PCYOX1: variants seen among roughly 807,000 people sequenced by gnomAD.
The protein encoded by PCYOX1 is prenylcysteine oxidase 1, also known as prenylcysteine lyase.
A neutral mutation model predicts 46.4 loss-of-function variants in PCYOX1; 46 were observed. The observed-to-expected ratio is 0.99, with a 90% confidence interval of 0.78 to 1.27. The LOEUF (loss-of-function observed/expected upper bound fraction) is 1.27, where lower values mean the gene tolerates loss of function less well. PCYOX1 is among the 50% of genes most tolerant of loss of function. The pLI, the probability that PCYOX1 is intolerant of heterozygous loss-of-function variation, is 0.00. For missense variants in PCYOX1, 658 were observed against 628.3 expected, an observed-to-expected ratio of 1.05 and a Z score of -0.51; for synonymous variants, 220 against 231.8, an observed-to-expected ratio of 0.95 and a Z score of 0.46.
At chr2:70,268,456 A>G (rs2104894812) in intron 3 of PCYOX1, among the ~76,000 whole-genome samples, 1 of 152,234 alleles carries the variant, frequency 6.6e-6, no homozygotes, top group Admixed American at 6.5e-5. Flanking sequence ...GTGACTGCAT[A>G]TGTATGTAGG....
upstream of PCYOX1, chr2:70,258,060 G>A: frequency 1.1e-6 from 1 of 886,992 alleles, no homozygotes; most frequent in Non-Finnish European, 1.6e-6. Context: ...GGCGGGGCTC[G>A]CAGGGGCTGG....
Position 70,277,656 on chromosome 2 carries a change from T to G in PCYOX1, c.*264T>G. 3 of 326,532 alleles carry G rather than the reference T, an allele frequency of 9.2e-6. No individual in the cohort carries two copies. Among genetic ancestry groups the G allele is most frequent in the South Asian group, 1.2e-4 (2 of 16,488 alleles). The allele number at this position is 326,532 out of a possible 1,614,324, so 20.2% of individuals were successfully genotyped here. A position where few individuals can be genotyped will look rare whatever the true frequency, so the allele number is the denominator to read the frequency against. The stretch of plus-strand genomic sequence containing the variant: ...TCTTAAACTTGTCTGATAATAAGAA[T>G]CACCTGGAGTTAGGAGGTGGTGGTT... On this transcript the variant is annotated 3_prime_UTR_variant, in exon 6 of 6. Coordinates refer to ENST00000433351, the MANE Select transcript of PCYOX1 (RefSeq NM_016297.4).
chr2:70,273,516 G>C (rs1696629952), intron 3 of PCYOX1, among the ~76,000 whole-genome samples: 1 of 152,176 alleles, frequency 6.6e-6, no homozygotes, highest in South Asian at 2.1e-4. Flanking sequence ...AGAAAAACTT[G>C]ATGTGAAAGT....
At position 70,261,197 on chromosome 2, in the gene PCYOX1, T is replaced by C; in HGVS notation, c.320-15T>C. 6.3e-7 allele frequency: 1 copy of C among 1,590,278 alleles called. No individual in the cohort carries two copies. The highest frequency in any genetic ancestry group is 8.6e-7 in the Non-Finnish European group (1 of 1,159,668). On this transcript the variant is annotated splice_polypyrimidine_tract_variant and intron_variant, in intron 2 of 5. Transcript: ENST00000433351. ...ATAGACACCACTGACTTAGCTGTGCTTTATGTTTTTGCAGGTCTCTCTGCT... is the reference window on the plus strand; with the variant it reads ...ATAGACACCACTGACTTAGCTGTGCCTTATGTTTTTGCAGGTCTCTCTGCT...
chr2:70,259,924 T>C (rs1007126999), intron 2 of PCYOX1, among the ~76,000 whole-genome samples: 4 of 152,176 alleles, frequency 2.6e-5, no homozygotes, highest in African/African-American at 9.7e-5. Flanking sequence ...CAAGCGATTC[T>C]CCTGCCTTAG....
intron 3 of PCYOX1, among the ~76,000 whole-genome samples, chr2:70,266,100 T>G (rs1696517941): frequency 6.6e-6 from 1 of 152,138 alleles, no homozygotes; most frequent in Admixed American, 6.6e-5. Context: ...GATGTCCATG[T>G]CTTAATTCCT....
chr2:70,267,482 C>T (rs1696543027), intron 3 of PCYOX1, among the ~76,000 whole-genome samples: 1 of 152,088 alleles, frequency 6.6e-6, no homozygotes, highest in Admixed American at 6.5e-5. Flanking sequence ...CACGCCACTG[C>T]ACTCCAGCCT....
chr2:70,267,925 C>A (rs1246222827), intron 3 of PCYOX1, among the ~76,000 whole-genome samples: 2 of 152,208 alleles, frequency 1.3e-5, no homozygotes, highest in East Asian at 3.9e-4. Context: ...AGTTCTCTGC[C>A]TCAGCCTCCC....
At chr2:70,262,312 C>T (rs1480025100) in intron 3 of PCYOX1, among the ~76,000 whole-genome samples, 2 of 151,000 alleles carry the variant, frequency 1.3e-5, no homozygotes, top group African/African-American at 4.9e-5. Context: ...ATTACAGATG[C>T]CTGCCACCAC....
intron 3 of PCYOX1, 146 bp from the exon 4 acceptor site, chr2:70,274,813 C>G (rs996192788): frequency 6.3e-6 from 4 of 634,392 alleles, no homozygotes; most frequent in Non-Finnish European, 1.1e-5. Context: ...ACCTGCCCAC[C>G]TCTGCCTCCC....
chr2:70,274,665 G>C, intron 3 of PCYOX1: 1 of 334,458 alleles, frequency 3.0e-6, no homozygotes, highest in Non-Finnish European at 5.7e-6. Flanking sequence ...CGGGGCTCAA[G>C]CAGTCCTCCT....
intron 3 of PCYOX1, among the ~76,000 whole-genome samples, chr2:70,262,906 A>G (rs942619816): frequency 7.0e-4 from 106 of 152,096 alleles, no homozygotes; most frequent in African/African-American, 2.3e-3. Flanking sequence ...AAAACAAAAC[A>G]TGTCATATGA....
chr2:70,280,875 G>C lies in PCYOX1; in HGVS notation c.*3483G>C, dbSNP rs1450249814. 6.6e-6 allele frequency: 1 copy of C among 152,126 alleles called. No individual in the cohort carries two copies. Among genetic ancestry groups the C allele is most frequent in the African/African-American group, 2.4e-5 (1 of 41,414 alleles). 9.4% of individuals were successfully genotyped at this position (152,126 alleles called of 1,614,324 possible). On this transcript the variant is annotated 3_prime_UTR_variant, in exon 6 of 6. Transcript: ENST00000433351. Reference sequence around the variant, plus strand: ...GTAGTCCATTCTGTACAGTTTAAAAGTGATTCACGATTTGCAGGCTTTTTA... The same window carrying C: ...GTAGTCCATTCTGTACAGTTTAAAACTGATTCACGATTTGCAGGCTTTTTA...
intron 3 of PCYOX1, among the ~76,000 whole-genome samples, chr2:70,263,282 A>T (rs143619176): frequency 2.0e-5 from 3 of 151,830 alleles, no homozygotes; most frequent in Non-Finnish European, 2.9e-5. Context: ...TCTATAACTC[A>T]TGGTAGTTTG....
intron 3 of PCYOX1, among the ~76,000 whole-genome samples, chr2:70,272,517 C>G (rs1014470117): frequency 2.0e-5 from 3 of 152,092 alleles, no homozygotes; most frequent in Non-Finnish European, 4.4e-5. Context: ...CTGTCTTACT[C>G]TGTCACCCAG....
At chr2:70,270,531 T>C (rs1203854508) in intron 3 of PCYOX1, among the ~76,000 whole-genome samples, 1 of 152,196 alleles carries the variant, frequency 6.6e-6, no homozygotes, top group African/African-American at 2.4e-5. Flanking sequence ...CTGGCTTCAT[T>C]GTTTCTTGAA....
chr2:70,275,292 T>C (rs1486479888), intron 4 of PCYOX1, 122 bp downstream of exon 4: 3 of 939,490 alleles, frequency 3.2e-6, no homozygotes, highest in South Asian at 1.5e-5. Flanking sequence ...CCTCAGACAT[T>C]GTTAGCAAAA....
intron 3 of PCYOX1, among the ~76,000 whole-genome samples, chr2:70,273,050 CTG>C (rs1390524569): frequency 6.6e-6 from 1 of 152,166 alleles, no homozygotes; most frequent in Non-Finnish European, 1.5e-5. Context: ...AGAGTGCTCT[CTG>C]TTTATATTGT....
rs754987523 is a variant in PCYOX1, at chr2:70,275,001, C to T, written c.537C>T (p.Val179=). The change falls in exon 4 of 6, where the codon GTC becomes GTT. Residue 179 remains valine, a synonymous_variant. Transcript: ENST00000433351. Reference sequence around the variant, plus strand: ...CTCATGACTATGCCTTCAGTAGTGTCGAAAAATTACTTCATGCTCTAGGAG... The same window carrying T: ...CTCATGACTATGCCTTCAGTAGTGTTGAAAAATTACTTCATGCTCTAGGAG... ...YQSHDYAFSS[V]EKLLHALGGD... 1.2e-5 allele frequency: 19 copies of T among 1,613,082 alleles called. No individual in the cohort carries two copies. The African/African-American group carries it at 1.5e-4, about 12-fold the overall frequency.
Sources: allele counts gnomAD v4.1 joint callset (sites outside exome capture counted in the v4.1 genomes callset), GRCh38; gene constraint gnomAD v4.1.1; transcripts MANE v1.5; gene names NCBI Gene and HGNC (gene_info 2026-07-23, HGNC 2026-07-21).